The following PLEKHA4 variants were observed in gnomAD, a reference collection of about 807,000 sequenced individuals.
PLEKHA4 encodes the protein pleckstrin homology domain-containing family A member 4.
PLEKHA4 carries 73 observed loss-of-function variants against 94.7 expected under a neutral mutation model. The ratio of observed to expected loss-of-function variants is 0.77; its 90% CI spans 0.64 to 0.94. The LOEUF is 0.94. Ranked by LOEUF, PLEKHA4 falls within the 40% of genes least tolerant of loss-of-function variation. The pLI, the probability that PLEKHA4 is intolerant of heterozygous loss-of-function variation, is 0.00. For synonymous variants in PLEKHA4, 449 were observed against 437.1 expected, an observed-to-expected ratio of 1.03 and a Z score of -0.34; for missense variants, 1,049 against 1,054.1, an observed-to-expected ratio of 1.00 and a Z score of 0.07.
At chr19:48,851,455 A>T (rs1249888810) in intron 13 of PLEKHA4, among the ~76,000 whole-genome samples, 1 of 151,062 alleles carries the variant, frequency 6.6e-6, no homozygotes, top group Admixed American at 6.6e-5. Context: ...CGTCTCTACT[A>T]AAAATACAAA....
chr19:48,867,942 C>T lies in PLEKHA4; in HGVS notation c.-7+141G>A. On this transcript the variant is annotated intron_variant, in intron 1 of 19. Transcript: ENST00000263265. This position sits in a 1 kb window ranked among gnomAD's most constrained non-coding sequence, Gnocchi z 4.7. ...CTTAGGGACTCCCCATTCCCTGCCT[C>T]CTTCCGGCTGCCCCAGGCTACCTGT... 6.7e-6 allele frequency: 2 copies of T among 300,190 alleles called. No homozygotes were observed. The highest frequency in any genetic ancestry group is 1.3e-5 in the Non-Finnish European group (2 of 159,302). 18.6% of individuals were successfully genotyped at this position (300,190 alleles called of 1,614,324 possible).
At chr19:48,844,301 C>A (rs910803850) in intron 16 of PLEKHA4, 11 of 257,452 alleles carry the variant, frequency 4.3e-5, no homozygotes, top group Admixed American at 6.5e-5. Context: ...ATTACAGGCA[C>A]CCGCCATCAC....
At chr19:48,856,998 C>T (rs147310868) in intron 9 of PLEKHA4, among the ~76,000 whole-genome samples, 2 of 150,600 alleles carry the variant, frequency 1.3e-5, no homozygotes, top group Non-Finnish European at 1.5e-5. Flanking sequence ...TAAGTTACGA[C>T]GATGTCATGG....
At chr19:48,865,148 G>A (rs651088) in intron 3 of PLEKHA4, among the ~76,000 whole-genome samples, 151,924 of 152,092 alleles carry the variant, frequency 1, 75,884 homozygotes, top group Middle Eastern at 1. Flanking sequence ...GTTTCAGACC[G>A]CCCTGGCCAA....
At chr19:48,858,803 G>T (rs112985397) in intron 8 of PLEKHA4, 57 bp downstream of exon 8, 1 of 1,593,280 alleles carries the variant, frequency 6.3e-7, no homozygotes, top group African/African-American at 1.3e-5. Context: ...AATACGGAAA[G>T]ACAGCCCTGA....
At position 48,867,645 on chromosome 19, in the gene PLEKHA4, G is replaced by C; in HGVS notation, c.-6-19C>G. 2.5e-6 allele frequency: 4 copies of C among 1,574,132 alleles called. No homozygotes were observed. Among genetic ancestry groups the C allele is most frequent in the Non-Finnish European group, 3.4e-6 (4 of 1,160,386 alleles). ...TCAAGGGCTGGGGGAGAGAAAGAAA[G>C]GGGCTGTGTCTCTGCAGTGACGGGT... On this transcript the variant is annotated intron_variant, in intron 1 of 19. Coordinates refer to ENST00000263265, the MANE Select transcript of PLEKHA4 (RefSeq NM_020904.3). The surrounding 1 kb of genome is among the most constrained non-coding windows in gnomAD (Gnocchi z 4.7).
intron 3 of PLEKHA4, 68 bp from the exon 4 acceptor site, chr19:48,861,760 G>A (rs1046691140): frequency 4.3e-5 from 58 of 1,355,858 alleles, no homozygotes; most frequent in Non-Finnish European, 5.3e-5. Flanking sequence ...AGGCAGTGAC[G>A]ATGGGGACAG....
At chr19:48,848,070 A>T (rs914416109) in intron 13 of PLEKHA4, 30 bp from the exon 14 acceptor site, 11 of 1,609,900 alleles carry the variant, frequency 6.8e-6, no homozygotes, top group Non-Finnish European at 9.3e-6. Flanking sequence ...TTGTTACTTA[A>T]AGGTGGGAAA....
At position 48,862,031 on chromosome 19, in the gene PLEKHA4, G is replaced by A. The variant is rs551926616; in HGVS notation, c.193-339C>T. The stretch of plus-strand genomic sequence containing the variant: ...AGCCCCAGCTACTCCGGAGGCTGAG[G>A]AGGGAGGATCACTTGAGCCTGGGAG... On this transcript the variant is annotated intron_variant, in intron 3 of 19. Transcript: ENST00000263265. Among the ~76,000 whole-genome samples the A allele has an allele frequency of 9.2e-5, 14 of 151,992 alleles. No homozygotes were observed. The South Asian group carries it at 2.7e-3, about 29-fold the overall frequency.
At position 48,845,505 on chromosome 19, in the gene PLEKHA4, C is replaced by G. The variant is rs1459697266; in HGVS notation, c.1666+12G>C. 1 of 1,612,978 alleles carries G rather than the reference C, an allele frequency of 6.2e-7. No homozygotes were observed. Among genetic ancestry groups the G allele is most frequent in the African/African-American group, 1.3e-5 (1 of 74,772 alleles). On this transcript the variant is annotated intron_variant, in intron 15 of 19. Transcript: ENST00000263265. ...GAATTTCCGTAAAGTCCCACCCAAC[C>G]AGGATGCTCACCTAAGTGAGGGCTG...
At chr19:48,841,540 T>C (rs532667510) in intron 16 of PLEKHA4, among the ~76,000 whole-genome samples, 2 of 152,018 alleles carry the variant, frequency 1.3e-5, no homozygotes, top group African/African-American at 4.8e-5. Flanking sequence ...GGCAGGAGAA[T>C]TGTTTGAACC....
chr19:48,856,921 GAAAGAAAGA>G (rs1402794202), intron 9 of PLEKHA4, among the ~76,000 whole-genome samples: 16 of 110,660 alleles, frequency 1.4e-4, no homozygotes, highest in African/African-American at 7.6e-4. Flanking sequence ...AAAAAAGAAA[GAAAGAAAGA>G]AAAGAAAAGA....
At chr19:48,855,435 C>G (rs2036365303) in intron 9 of PLEKHA4, among the ~76,000 whole-genome samples, 1 of 150,770 alleles carries the variant, frequency 6.6e-6, no homozygotes, top group Non-Finnish European at 1.5e-5. Flanking sequence ...GATACCCTGT[C>G]TCTACTAAAA....
At chr19:48,860,078 G>T in intron 6 of PLEKHA4, 1 of 575,140 alleles carries the variant, frequency 1.7e-6, no homozygotes. Flanking sequence ...CAGAGAGTGT[G>T]CAATATTGAT....
Position 48,858,963 on chromosome 19 carries a change from G to A in PLEKHA4, c.869C>T (p.Thr290Ile). 1 of 1,590,486 alleles carries A rather than the reference G, an allele frequency of 6.3e-7. No homozygotes were observed. Among genetic ancestry groups the A allele is most frequent in the Non-Finnish European group, 8.5e-7 (1 of 1,172,636 alleles). Residue 290 changes from threonine (T) to isoleucine (I), a missense_variant, in exon 8 of 20, where the codon ACC becomes ATC. Transcript: ENST00000263265. ...PPLDWGPQRQ[T>I]LSRPPTPRRG... ...GCGGGGAGTAGGGGGTCGGGAGAGG[G>A]TCTGGCGTTGGGGGCCCCAATCCAG...
intron 14 of PLEKHA4, among the ~76,000 whole-genome samples, chr19:48,847,127 T>TTA (rs1242963410): frequency 1.3e-5 from 2 of 151,940 alleles, no homozygotes. Context: ...TCTAAGTGCA[T>TTA]TATATATATA....
Position 48,845,621 on chromosome 19 carries a change from G to C in PLEKHA4, c.1567-5C>G. ...TTCCAAGGACTCTGGCAGGCTCTGC[G>C]GGGATTAGAAAAGGGGGATAATGAT... On this transcript the variant is annotated splice_region_variant and splice_polypyrimidine_tract_variant and intron_variant, in intron 14 of 19. Coordinates refer to ENST00000263265, the MANE Select transcript of PLEKHA4 (RefSeq NM_020904.3). 1 of 1,557,988 alleles carries C rather than the reference G, an allele frequency of 6.4e-7. No homozygotes were observed. Among genetic ancestry groups the C allele is most frequent in the Non-Finnish European group, 8.7e-7 (1 of 1,153,056 alleles).
intron 8 of PLEKHA4, among the ~76,000 whole-genome samples, chr19:48,857,785 C>T (rs1032134511): frequency 1.3e-5 from 2 of 150,840 alleles, no homozygotes; most frequent in Admixed American, 6.6e-5. Flanking sequence ...TGCGGAAGGC[C>T]GCAGGGTCCT....
At chr19:48,845,213 A>C in intron 16 of PLEKHA4, 157 bp downstream of exon 16, 1 of 697,940 alleles carries the variant, frequency 1.4e-6, no homozygotes, top group East Asian at 2.7e-5. Flanking sequence ...ACAGCTTAGA[A>C]GCGACAGAGA....
Sources: allele counts gnomAD v4.1 joint callset (sites outside exome capture counted in the v4.1 genomes callset), GRCh38; gene constraint gnomAD v4.1.1; non-coding constraint Gnocchi (gnomAD v3.1); transcripts MANE v1.5; gene names NCBI Gene and HGNC (gene_info 2026-07-23, HGNC 2026-07-21).